The following SCFD2 variants were observed in gnomAD, a reference collection of about 807,000 sequenced individuals.
The protein encoded by SCFD2 is sec1 family domain containing 2.
A neutral mutation model predicts 58.9 loss-of-function variants in SCFD2; 54 were observed. That is an observed-to-expected ratio of 0.92 (90% confidence interval 0.74 to 1.15). The LOEUF (loss-of-function observed/expected upper bound fraction) is 1.15. Among genes scored for constraint, SCFD2 ranks in the 50% most tolerant of loss-of-function variants. The probability of loss-of-function intolerance (pLI) is 0.00; values close to 1 mark genes in which losing one functional copy is unlikely to be tolerated. For synonymous variants in SCFD2, 321 were observed against 335.9 expected (o/e 0.96, Z 0.49); for missense variants, 805 against 836.6 (o/e 0.96, Z 0.47).
At chr4:52,891,537 T>C (rs1245812341) in intron 7 of SCFD2, among the ~76,000 whole-genome samples, 1 of 152,260 alleles carries the variant, frequency 6.6e-6, no homozygotes, top group Non-Finnish European at 1.5e-5. Flanking sequence ...TAGTAAGCTG[T>C]AGGGTTGAGG....
At chr4:53,110,487 G>A (rs189206022) in intron 5 of SCFD2, among the ~76,000 whole-genome samples, 245 of 152,162 alleles carry the variant, frequency 1.6e-3, no homozygotes, top group African/African-American at 5.6e-3. Flanking sequence ...TTTGCAATCT[G>A]TCCATCTGAC....
chr4:53,118,057 T>C (rs1187341649), intron 5 of SCFD2, among the ~76,000 whole-genome samples: 1 of 152,202 alleles, frequency 6.6e-6, no homozygotes, highest in Non-Finnish European at 1.5e-5. Context: ...CAGTATTGTA[T>C]GCCAGGTACT....
intron 5 of SCFD2, among the ~76,000 whole-genome samples, chr4:53,086,204 T>C (rs1488504104): frequency 6.6e-6 from 1 of 151,998 alleles, no homozygotes; most frequent in Non-Finnish European, 1.5e-5. Context: ...AATAATCTGA[T>C]TTAAAAAGTG....
intron 4 of SCFD2, among the ~76,000 whole-genome samples, chr4:53,179,488 G>T (rs181260824): frequency 2.9e-3 from 445 of 152,250 alleles, no homozygotes; most frequent in Middle Eastern, 6.8e-3. Flanking sequence ...TCCTAAAAGA[G>T]CTCCTGAAGG....
intron 4 of SCFD2, among the ~76,000 whole-genome samples, chr4:53,251,518 C>A (rs1025929008): frequency 2.0e-5 from 3 of 152,092 alleles, no homozygotes; most frequent in Non-Finnish European, 4.4e-5. Context: ...AGCAGCACAT[C>A]AAAAAGCTTA....
At chr4:53,057,393 G>A (rs1318812689) in intron 5 of SCFD2, among the ~76,000 whole-genome samples, 3 of 152,100 alleles carry the variant, frequency 2.0e-5, no homozygotes, top group African/African-American at 7.2e-5. Context: ...TATGGAAAGG[G>A]AAAAAGCTGG....
At chr4:52,889,148 G>T (rs751273035) in intron 7 of SCFD2, among the ~76,000 whole-genome samples, 16 of 152,158 alleles carry the variant, frequency 1.1e-4, no homozygotes, top group Admixed American at 3.9e-4. Flanking sequence ...ACATTAGATC[G>T]CTGCTATAGC....
At chr4:53,176,026 A>C (rs1376537063) in intron 4 of SCFD2, among the ~76,000 whole-genome samples, 13 of 152,080 alleles carry the variant, frequency 8.5e-5, no homozygotes, top group Non-Finnish European at 1.9e-4. Flanking sequence ...ATTTTCTATT[A>C]TTTTCTATCT....
intron 5 of SCFD2, among the ~76,000 whole-genome samples, chr4:53,121,433 C>G (rs550800876): frequency 8.8e-4 from 134 of 152,260 alleles, no homozygotes; most frequent in African/African-American, 3.1e-3. Flanking sequence ...GTTTGGGCTC[C>G]AAATGAAAGT....
chr4:52,964,228 A>T (rs1720912262), intron 5 of SCFD2, among the ~76,000 whole-genome samples: 1 of 152,206 alleles, frequency 6.6e-6, no homozygotes, highest in Non-Finnish European at 1.5e-5. Context: ...TCTATGCATC[A>T]TGTAAAGATA....
At chr4:52,917,044 C>A (rs1719626734) in intron 6 of SCFD2, among the ~76,000 whole-genome samples, 2 of 151,872 alleles carry the variant, frequency 1.3e-5, no homozygotes, top group African/African-American at 2.4e-5. Flanking sequence ...ATTACAGGTG[C>A]CTGCCACCAC....
At chr4:52,952,701 T>C (rs1720628144) in intron 5 of SCFD2, among the ~76,000 whole-genome samples, 2 of 152,214 alleles carry the variant, frequency 1.3e-5, no homozygotes, top group Non-Finnish European at 1.5e-5. Context: ...ACATATCTCA[T>C]GATTTAGTGT....
At chr4:53,133,723 T>A (rs771225404) in intron 5 of SCFD2, among the ~76,000 whole-genome samples, 3 of 152,242 alleles carry the variant, frequency 2.0e-5, no homozygotes, top group Non-Finnish European at 2.9e-5. Context: ...TAACATGAGC[T>A]GCCTTCCACA....
intron 5 of SCFD2, among the ~76,000 whole-genome samples, chr4:52,922,378 C>T (rs1719760187): frequency 6.6e-6 from 1 of 151,982 alleles, no homozygotes; most frequent in Non-Finnish European, 1.5e-5. Context: ...CTGGCAATCC[C>T]TAATGTGCTT....
chr4:52,895,319 C>T (rs1718979128), intron 7 of SCFD2, among the ~76,000 whole-genome samples: 2 of 152,124 alleles, frequency 1.3e-5, no homozygotes, highest in East Asian at 3.9e-4. Flanking sequence ...TATCCCTCTC[C>T]CCTACCCCTA....
At chr4:52,915,944 C>T (rs1719591995) in intron 6 of SCFD2, among the ~76,000 whole-genome samples, 1 of 152,250 alleles carries the variant, frequency 6.6e-6, no homozygotes, top group African/African-American at 2.4e-5. Flanking sequence ...CCACATTTCA[C>T]TGGGCACAAG....
intron 5 of SCFD2, among the ~76,000 whole-genome samples, chr4:53,087,893 T>G (rs545370555): frequency 1.2e-3 from 176 of 150,146 alleles, no homozygotes; most frequent in African/African-American, 4.2e-3. Flanking sequence ...ACTCCTGACC[T>G]CATGATCCAC....
At chr4:53,195,323 G>A (rs1378305028) in intron 4 of SCFD2, among the ~76,000 whole-genome samples, 1 of 152,140 alleles carries the variant, frequency 6.6e-6, no homozygotes, top group Non-Finnish European at 1.5e-5. Flanking sequence ...CAACTTCCCC[G>A]ATTTTTTTAT....
chr4:53,056,357 C>T (rs2046307), intron 5 of SCFD2, among the ~76,000 whole-genome samples: 52,489 of 151,932 alleles, frequency 0.35, 10,326 homozygotes, highest in Non-Finnish European at 0.42. Flanking sequence ...CATTCAGCCT[C>T]AGCCTCAGCC....
Sources: allele counts gnomAD v4.1 joint callset (sites outside exome capture counted in the v4.1 genomes callset), GRCh38; gene constraint gnomAD v4.1.1; transcripts MANE v1.5; gene names NCBI Gene and HGNC (gene_info 2026-07-23, HGNC 2026-07-21).